The following ATF7IP variants were observed in gnomAD, a reference collection of about 807,000 sequenced individuals.
ATF7IP encodes activating transcription factor 7-interacting protein 1.
ATF7IP carries 23 observed loss-of-function variants against 106.4 expected under a neutral mutation model. That is an observed-to-expected ratio of 0.22 (90% CI 0.16 to 0.31). The LOEUF is 0.31. ATF7IP is among the 10% of genes least tolerant of loss of function. The probability of loss-of-function intolerance (pLI) is 1.00; values close to 1 mark genes in which losing one functional copy is unlikely to be tolerated. For missense variants in ATF7IP, 1,334 were observed against 1,524.3 expected (o/e 0.88, Z 2.08); for synonymous variants, 542 against 539.0 (o/e 1.01, Z -0.08).
chr12:14,408,449 C>G (rs1379491238), intron 1 of ATF7IP: 3 of 152,090 alleles, frequency 2.0e-5, no homozygotes, highest in African/African-American at 7.2e-5. Flanking sequence ...CATGATGCTG[C>G]TTTTATTAGC....
chr12:14,444,548 A>G (rs985563140), intron 5 of ATF7IP, among the ~76,000 whole-genome samples: 1 of 152,164 alleles, frequency 6.6e-6, no homozygotes, highest in Non-Finnish European at 1.5e-5. Context: ...GTCTCAGAAT[A>G]TCTACCAAAA....
chr12:14,404,269 C>T (rs1361390449), intron 1 of ATF7IP, among the ~76,000 whole-genome samples: 1 of 151,810 alleles, frequency 6.6e-6, no homozygotes, highest in African/African-American at 2.4e-5. Flanking sequence ...CTGTATTTAT[C>T]TTCCACATTT....
At chr12:14,422,469 A>T in intron 1 of ATF7IP, among the ~76,000 whole-genome samples, 1 of 152,140 alleles carries the variant, frequency 6.6e-6, no homozygotes. Flanking sequence ...ATATTCACAG[A>T]GCTGTATAAT....
At chr12:14,411,023 A>G (rs1267979413) in intron 1 of ATF7IP, among the ~76,000 whole-genome samples, 1 of 152,190 alleles carries the variant, frequency 6.6e-6, no homozygotes, top group Non-Finnish European at 1.5e-5. Flanking sequence ...TTATCCATTC[A>G]TTAGTCACAG....
chr12:14,501,362 AT>A lies in ATF7IP; in HGVS notation c.*3292del, dbSNP rs1945155297. The stretch of plus-strand genomic sequence containing the variant: ...CTGCAATGTAGGATGTTTGTATGGC[AT>A]TTAAAGGTAATGGTGATGTTTATTA... On this transcript the variant is annotated 3_prime_UTR_variant, in exon 15 of 15. Coordinates refer to ENST00000261168, the MANE Select transcript of ATF7IP (RefSeq NM_018179.5). 6.6e-6 allele frequency: 1 copy of A among 152,174 alleles called. No individual in the cohort carries two copies. The highest frequency in any genetic ancestry group is 2.1e-4 in the South Asian group (1 of 4,832). The allele number at this position is 152,174 out of a possible 1,614,324, so 9.4% of individuals were successfully genotyped here. A position where few individuals can be genotyped will look rare whatever the true frequency, so the allele number is the denominator to read the frequency against.
At chr12:14,479,983 A>G (rs1944383511) in intron 12 of ATF7IP, among the ~76,000 whole-genome samples, 1 of 151,552 alleles carries the variant, frequency 6.6e-6, no homozygotes, top group Non-Finnish European at 1.5e-5. Flanking sequence ...AGTGTAGATT[A>G]TGGAATGGGG....
intron 10 of ATF7IP, among the ~76,000 whole-genome samples, chr12:14,473,306 G>T (rs1201213994): frequency 6.6e-6 from 1 of 151,526 alleles, no homozygotes; most frequent in African/African-American, 2.4e-5. Context: ...GTGTGTGTGT[G>T]TGTGTGTGTG....
At chr12:14,394,604 A>G (rs1939737928) in intron 1 of ATF7IP, among the ~76,000 whole-genome samples, 1 of 152,150 alleles carries the variant, frequency 6.6e-6, no homozygotes, top group African/African-American at 2.4e-5. Flanking sequence ...GCTAGCTGTA[A>G]CTGCAGTCTG....
At chr12:14,472,403 T>C (rs986965507) in intron 10 of ATF7IP, among the ~76,000 whole-genome samples, 3 of 152,224 alleles carry the variant, frequency 2.0e-5, no homozygotes, top group Admixed American at 6.5e-5. Context: ...CAATCATTTA[T>C]CAGCACCAAG....
intron 8 of ATF7IP, among the ~76,000 whole-genome samples, chr12:14,459,487 A>T (rs1475909269): frequency 6.6e-6 from 1 of 152,230 alleles, no homozygotes; most frequent in Non-Finnish European, 1.5e-5. Context: ...GAATGCAGCG[A>T]TGTTTGGTCC....
chr12:14,410,732 A>AT (rs1940867496), intron 1 of ATF7IP, among the ~76,000 whole-genome samples: 1 of 151,312 alleles, frequency 6.6e-6, no homozygotes, highest in Non-Finnish European at 1.5e-5. Flanking sequence ...ACTGTTCCTA[A>AT]TTTATAAGTT....
rs752494159 is a variant in ATF7IP, at chr12:14,478,373, T to G, written c.2998T>G (p.Ser1000Ala). 4.3e-5 allele frequency: 70 copies of G among 1,613,986 alleles called. No individual in the cohort carries two copies. The highest frequency in any genetic ancestry group is 5.8e-5 in the Non-Finnish European group (69 of 1,179,980). ...AACCATGAGTTCTTCTCAGCCTGTGTCACGACCATTGCAACCCATACAACC... is the reference window on the plus strand; with the variant it reads ...AACCATGAGTTCTTCTCAGCCTGTGGCACGACCATTGCAACCCATACAACC... Reference protein sequence around the residue: ...VSTMSSSQPVSRPLQPIQPAP... With the variant: ...VSTMSSSQPVARPLQPIQPAP... The change falls in exon 12 of 15, where the codon TCA becomes GCA. Residue 1000 changes from serine to alanine, a missense_variant. Ser to Ala is a moderately conservative substitution (Grantham distance 99). Coordinates refer to ENST00000261168, the MANE Select transcript of ATF7IP (RefSeq NM_018179.5).
chr12:14,427,859 G>A (rs1472677066), intron 2 of ATF7IP, among the ~76,000 whole-genome samples: 3 of 152,044 alleles, frequency 2.0e-5, no homozygotes, highest in South Asian at 2.1e-4. Context: ...AGGCCAAAAC[G>A]GTGCCTGGCA....
Position 14,438,332 on chromosome 12 carries a change from T to C in ATF7IP, c.1929+65T>C, listed in dbSNP as rs929508370. The C allele has an allele frequency of 2.9e-6, 4 of 1,362,854 alleles. No individual in the cohort carries two copies. In the South Asian group the frequency reaches 5.9e-5, roughly 20 times the overall value. The allele number at this position is 1,362,854 out of a possible 1,614,324, so 84.4% of individuals were successfully genotyped here. A position where few individuals can be genotyped will look rare whatever the true frequency, so the allele number is the denominator to read the frequency against. On this transcript the variant is annotated intron_variant, in intron 5 of 14. Coordinates refer to ENST00000261168, the MANE Select transcript of ATF7IP (RefSeq NM_018179.5). ...TGTTTTTATAACTTATTTTCTGAGA[T>C]ATATATTTGAGATTAACTATAAAAT...
intron 13 of ATF7IP, chr12:14,482,524 C>T (rs1944465589): frequency 6.6e-6 from 1 of 152,214 alleles, no homozygotes; most frequent in South Asian, 2.1e-4. Flanking sequence ...TATTCATTGA[C>T]AGCTGATTAG....
intron 4 of ATF7IP, among the ~76,000 whole-genome samples, chr12:14,437,791 C>G (rs984925978): frequency 1.3e-5 from 2 of 152,142 alleles, no homozygotes; most frequent in South Asian, 4.1e-4. Context: ...CGGTGGCTCA[C>G]GCCTGTAATC....
rs1222392664 is a variant in ATF7IP, at chr12:14,424,306, TCTGGTGATCCAGCCC to T, written c.401_415del (p.Pro134_Asp138del). The T allele has an allele frequency of 6.2e-7, 1 of 1,614,198 alleles. No homozygotes were observed. The highest frequency in any genetic ancestry group is 8.5e-7 in the Non-Finnish European group (1 of 1,180,034). On this transcript the variant is annotated inframe_deletion, in exon 2 of 15. Coordinates refer to ENST00000261168, the MANE Select transcript of ATF7IP (RefSeq NM_018179.5). Reference sequence around the variant, plus strand: ...CTCTAAACTGCCTGCTGAACCAGTTTCTGGTGATCCAGCCCCTGGTGATCTGGATGCCGGAGATCC... The same window carrying T: ...CTCTAAACTGCCTGCTGAACCAGTTTCTGGTGATCTGGATGCCGGAGATCC...
chr12:14,457,330 T>G, intron 8 of ATF7IP, 35 bp downstream of exon 8: 1 of 1,442,528 alleles, frequency 6.9e-7, no homozygotes, highest in Non-Finnish European at 9.6e-7. Context: ...ATACATTTTC[T>G]TAGGAATTAA....
intron 1 of ATF7IP, among the ~76,000 whole-genome samples, chr12:14,387,155 C>T (rs1370572264): frequency 6.6e-6 from 1 of 152,034 alleles, no homozygotes; most frequent in African/African-American, 2.4e-5. Context: ...AGTAGATTCT[C>T]ATAATTTGAA....
Sources: allele counts gnomAD v4.1 joint callset (sites outside exome capture counted in the v4.1 genomes callset), GRCh38; gene constraint gnomAD v4.1.1; transcripts MANE v1.5; gene names NCBI Gene and HGNC (gene_info 2026-07-23, HGNC 2026-07-21).